Variants in CUX1 observed in about 807,000 individuals in gnomAD.
CUX1 encodes the protein protein CASP.
In CUX1, 31 loss-of-function variants were observed where a neutral mutation model predicts 158.8. The observed-to-expected ratio is 0.20, with a 90% CI of 0.15 to 0.26. The LOEUF (loss-of-function observed/expected upper bound fraction) is 0.26. CUX1 is among the 10% of genes least tolerant of loss of function. The pLI, the probability that CUX1 is intolerant of heterozygous loss-of-function variation, is 1.00. For synonymous variants in CUX1, 879 were observed against 862.1 expected (o/e 1.02, Z -0.34); for missense variants, 1,589 against 2,014.6 (o/e 0.79, Z 4.04).
chr7:102,261,457 G>T (rs1790392817), downstream of CUX1, among the ~76,000 whole-genome samples: 1 of 152,038 alleles, frequency 6.6e-6, no homozygotes, highest in African/African-American at 2.4e-5. Context: ...TTGCGCCACT[G>T]CACTCCAGCC....
At chr7:102,083,332 G>A (rs953166228) in intron 4 of CUX1, among the ~76,000 whole-genome samples, 6 of 146,822 alleles carry the variant, frequency 4.1e-5, no homozygotes, top group African/African-American at 9.7e-5. Flanking sequence ...TTGGAGACAG[G>A]GTCTTGCTCT....
At chr7:102,200,627 C>T (rs920880551) in intron 17 of CUX1, among the ~76,000 whole-genome samples, 5 of 151,964 alleles carry the variant, frequency 3.3e-5, no homozygotes, top group Non-Finnish European at 7.4e-5. Flanking sequence ...AGGTGTGAGC[C>T]ACCGCGCCTG....
At chr7:102,195,475 C>T (rs782651483) in intron 13 of CUX1, 32 bp from the exon 14 acceptor site, 1 of 1,578,894 alleles carries the variant, frequency 6.3e-7, no homozygotes, top group Non-Finnish European at 8.6e-7. Context: ...GTGGCCGGCC[C>T]CGCAGTGAGA....
intron 5 of CUX1, among the ~76,000 whole-genome samples, chr7:102,103,309 C>T (rs1460266503): frequency 2.6e-5 from 4 of 152,192 alleles, no homozygotes; most frequent in African/African-American, 9.6e-5. Flanking sequence ...ATCCACCTAG[C>T]ACCACATGTT....
In CUX1 at chr7:101,873,160, C is replaced by T. The variant is rs182505967; in HGVS notation, c.31-42955C>T. On this transcript the variant is annotated intron_variant, in intron 1 of 23. Transcript: ENST00000292535. ...TGCTAGGATTACAGGCGTGAGCCAC[C>T]GCGCCTGGCCTCAGCTTCTTTTTTT... 1.7e-3 allele frequency among the ~76,000 whole-genome samples: 258 copies of T among 149,706 alleles called. 6 individuals carry two copies. The East Asian group carries it at 0.048, about 28-fold the overall frequency.
intron 8 of CUX1, among the ~76,000 whole-genome samples, chr7:102,119,435 G>A (rs1008509234): frequency 6.6e-6 from 1 of 152,238 alleles, no homozygotes; most frequent in African/African-American, 2.4e-5. Flanking sequence ...TCCATGTGTA[G>A]GCTTGAAGCA....
intron 4 of CUX1, among the ~76,000 whole-genome samples, chr7:102,086,881 T>C (rs1325440431): frequency 6.6e-6 from 1 of 152,216 alleles, no homozygotes; most frequent in Non-Finnish European, 1.5e-5. Flanking sequence ...TCTTTTAAGT[T>C]TATACAATGA....
chr7:102,132,304 T>C (rs1554497484), intron 8 of CUX1, among the ~76,000 whole-genome samples: 1 of 6,268 alleles, frequency 1.6e-4, no homozygotes, highest in African/African-American at 8.0e-4. Context: ...TGTGTGTGTG[T>C]GTGTGCGCGC....
chr7:102,259,762 G>A (rs149960983), downstream of CUX1, among the ~76,000 whole-genome samples: 2,493 of 86,006 alleles, frequency 0.029, 88 homozygotes, highest in African/African-American at 0.091. Context: ...AAAAAAGAAA[G>A]AAAAGAGAAA....
chr7:102,273,484 C>T (rs782610782), exon 15 of CUX1: 7 of 1,610,846 alleles, frequency 4.3e-6, no homozygotes, highest in Admixed American at 1.7e-5. Flanking sequence ...TCCAGCGGCC[C>T]GATGCCGAGG....
intron 3 of CUX1, among the ~76,000 whole-genome samples, chr7:102,029,151 C>G (rs1820419074): frequency 6.6e-6 from 1 of 152,064 alleles, no homozygotes; most frequent in Non-Finnish European, 1.5e-5. Flanking sequence ...CACCACCACA[C>G]CCAGCTAATT....
chr7:102,090,099 G>T (rs1209318180), intron 4 of CUX1, among the ~76,000 whole-genome samples: 1 of 152,132 alleles, frequency 6.6e-6, no homozygotes, highest in Non-Finnish European at 1.5e-5. Flanking sequence ...TGTTAATTTT[G>T]ATTTTTGGTT....
chr7:102,172,311 T>C lies in CUX1; in HGVS notation c.828+1761T>C, dbSNP rs527352253. ...TTTGCCACATTGCCCAGGCTGGTCT[T>C]GAACTCCTGTCCTCAGGTTATCCAC... On this transcript the variant is annotated intron_variant, in intron 10 of 23. Transcript: ENST00000292535. Among the ~76,000 whole-genome samples, 310 of 152,230 alleles carry C rather than the reference T, an allele frequency of 2.0e-3. 2 individuals carry two copies. Among genetic ancestry groups the C allele is most frequent in the African/African-American group, 7.3e-3 (304 of 41,540 alleles).
At chr7:102,158,524 T>A in intron 8 of CUX1, 36 bp from the exon 9 acceptor site, 1 of 1,612,112 alleles carries the variant, frequency 6.2e-7, no homozygotes, top group Non-Finnish European at 8.5e-7. Context: ...CCGGTCTCCT[T>A]GTGACTAACC....
intron 10 of CUX1, among the ~76,000 whole-genome samples, chr7:102,177,425 A>G (rs189692055): frequency 8.6e-5 from 13 of 150,552 alleles, no homozygotes; most frequent in South Asian, 2.1e-4. Context: ...AAAAAAAAAA[A>G]AAAAGAAAAG....
At chr7:101,963,932 A>G (rs1810823740) in intron 2 of CUX1, among the ~76,000 whole-genome samples, 1 of 151,004 alleles carries the variant, frequency 6.6e-6, no homozygotes, top group Non-Finnish European at 1.5e-5. Flanking sequence ...GATTACAGGC[A>G]TGAGCCACTG....
chr7:102,249,209 T>A lies in CUX1; in HGVS notation c.*167T>A, dbSNP rs1801206101. 1.8e-6 allele frequency: 2 copies of A among 1,108,188 alleles called. No individual in the cohort carries two copies. Among genetic ancestry groups the A allele is most frequent in the Admixed American group, 5.1e-5 (1 of 19,758 alleles). The allele number at this position is 1,108,188 out of a possible 1,614,324, so 68.6% of individuals were successfully genotyped here. On this transcript the variant is annotated 3_prime_UTR_variant, in exon 24 of 24. Transcript: ENST00000292535. ...CAGACCCCCTCCACGGTCCGCGGCCTGCACCGACCCGAGGCCCAGATCCAA... is the reference window on the plus strand; with the variant it reads ...CAGACCCCCTCCACGGTCCGCGGCCAGCACCGACCCGAGGCCCAGATCCAA...
chr7:101,868,533 C>T (rs962616955), intron 1 of CUX1, among the ~76,000 whole-genome samples: 5 of 152,204 alleles, frequency 3.3e-5, no homozygotes, highest in African/African-American at 4.8e-5. Flanking sequence ...GGCACCTTAG[C>T]GCTTGGTGCC....
intron 6 of CUX1, among the ~76,000 whole-genome samples, chr7:102,107,026 G>A (rs998087831): frequency 1.3e-5 from 2 of 150,230 alleles, no homozygotes; most frequent in African/African-American, 2.5e-5. Flanking sequence ...TCAGGAGTTC[G>A]AGACCAGCCT....
Sources: allele counts gnomAD v4.1 joint callset (sites outside exome capture counted in the v4.1 genomes callset), GRCh38; gene constraint gnomAD v4.1.1; transcripts MANE v1.5; gene names NCBI Gene and HGNC (gene_info 2026-07-23, HGNC 2026-07-21).